RNASEH2B: variants seen among roughly 807,000 people sequenced by gnomAD.
The protein encoded by RNASEH2B is ribonuclease H2 subunit B.
A neutral mutation model predicts 45.0 loss-of-function variants in RNASEH2B; 36 were observed. The observed-to-expected ratio is 0.80, with a 90% CI of 0.61 to 1.06. The LOEUF is 1.06. RNASEH2B is among the 50% of genes least tolerant of loss of function. The probability of loss-of-function intolerance (pLI) is 0.00; values close to 1 mark genes in which losing one functional copy is unlikely to be tolerated. For missense variants in RNASEH2B, 361 were observed against 360.3 expected, an observed-to-expected ratio of 1.00 and a Z score of -0.02; for synonymous variants, 119 against 125.7, an observed-to-expected ratio of 0.95 and a Z score of 0.35.
intron 1 of RNASEH2B, among the ~76,000 whole-genome samples, chr13:50,923,138 A>G (rs1236289602): frequency 6.6e-6 from 1 of 152,206 alleles, no homozygotes; most frequent in African/African-American, 2.4e-5. Context: ...AGGAACATAA[A>G]GAAAAAGAAT....
intron 8 of RNASEH2B, chr13:50,948,339 C>A: frequency 2.8e-6 from 1 of 357,002 alleles, no homozygotes; most frequent in East Asian, 5.7e-5. Context: ...AAATTTTATC[C>A]TCAATTATAC....
At chr13:50,915,115 C>G (rs548234496) in intron 1 of RNASEH2B, among the ~76,000 whole-genome samples, 1 of 152,196 alleles carries the variant, frequency 6.6e-6, no homozygotes, top group African/African-American at 2.4e-5. Context: ...CTTTCTTACA[C>G]CTCAAGCTTT....
At chr13:50,970,174 C>T (rs192376633) in exon 10 of RNASEH2B, 32 of 626,132 alleles carry the variant, frequency 5.1e-5, no homozygotes, top group African/African-American at 4.1e-4. Flanking sequence ...CTCAGCTAGG[C>T]GGTTCCGTCC....
chr13:50,961,053 C>A (rs1316277075), downstream of RNASEH2B, among the ~76,000 whole-genome samples: 1 of 152,180 alleles, frequency 6.6e-6, no homozygotes, highest in Non-Finnish European at 1.5e-5. Flanking sequence ...ACTCTTAGGG[C>A]ACCTCCAGGA....
In RNASEH2B at chr13:50,930,874, T is replaced by G. The variant is rs1352306445; in HGVS notation, c.321+115T>G. The G allele has an allele frequency of 9.6e-6, 8 of 830,780 alleles. No individual in the cohort carries two copies. In the East Asian group the frequency reaches 2.0e-4, roughly 20 times the overall value. 51.5% of individuals were successfully genotyped at this position (830,780 alleles called of 1,614,324 possible). On this transcript the variant is annotated intron_variant, in intron 4 of 10. Transcript: ENST00000336617. ...GTGGATTCTACCTTCAGATCTATTA[T>G]AGTGACTAGAGAAAACATGAATCAT...
At chr13:50,927,213 A>G in intron 1 of RNASEH2B, 194 bp from the exon 2 acceptor site, 1 of 507,338 alleles carries the variant, frequency 2.0e-6, no homozygotes, top group Non-Finnish European at 3.6e-6. Flanking sequence ...CAATACATTT[A>G]AACTACCTGA....
chr13:50,924,234 T>G (rs946666502), intron 1 of RNASEH2B, among the ~76,000 whole-genome samples: 2 of 152,210 alleles, frequency 1.3e-5, no homozygotes, highest in African/African-American at 2.4e-5. Context: ...AGGCAGAGAT[T>G]GGCAGAATGG....
chr13:50,943,778 G>A (rs1487794389), intron 6 of RNASEH2B, among the ~76,000 whole-genome samples: 1 of 152,076 alleles, frequency 6.6e-6, no homozygotes, highest in Non-Finnish European at 1.5e-5. Flanking sequence ...AGGGACCCAG[G>A]GACACAGCCA....
chr13:50,917,888 G>T (rs973823553), intron 1 of RNASEH2B, among the ~76,000 whole-genome samples: 1 of 152,136 alleles, frequency 6.6e-6, no homozygotes, highest in Non-Finnish European at 1.5e-5. Context: ...CCCCAATCAG[G>T]TCTGTCTTTT....
At chr13:50,961,941 A>G (rs986922007) in intron 9 of RNASEH2B, among the ~76,000 whole-genome samples, 8 of 152,158 alleles carry the variant, frequency 5.3e-5, no homozygotes, top group African/African-American at 1.4e-4. Context: ...ATTTGTATCT[A>G]CTGAGATGAT....
chr13:50,910,621 T>C (rs1879319994), intron 1 of RNASEH2B: 1 of 153,422 alleles, frequency 6.5e-6, no homozygotes, highest in Non-Finnish European at 1.4e-5. Flanking sequence ...GGAAGCGGGA[T>C]GGGAGTCGCG....
At chr13:50,913,421 G>A (rs529820027) in intron 1 of RNASEH2B, among the ~76,000 whole-genome samples, 9 of 151,960 alleles carry the variant, frequency 5.9e-5, no homozygotes, top group Non-Finnish European at 1.2e-4. Flanking sequence ...TTGCTGTTGG[G>A]GGCTGAACAA....
chr13:50,966,749 T>C (rs1232573547), intron 9 of RNASEH2B, among the ~76,000 whole-genome samples: 1 of 152,172 alleles, frequency 6.6e-6, no homozygotes, highest in Admixed American at 6.5e-5. Context: ...ATTCCCAAAA[T>C]CATATTTCTC....
chr13:50,951,451 A>G (rs1261989906), intron 9 of RNASEH2B: 1 of 152,104 alleles, frequency 6.6e-6, no homozygotes, highest in Non-Finnish European at 1.5e-5. Context: ...TTACTATCAT[A>G]TGTCTGCCTT....
chr13:50,961,001 A>G (rs545000258), downstream of RNASEH2B, among the ~76,000 whole-genome samples: 49 of 152,158 alleles, frequency 3.2e-4, no homozygotes, highest in African/African-American at 1.2e-3. Context: ...TTGCTGGAAT[A>G]TTTCTTATTC....
chr13:50,957,329 A>G (rs1395720912), downstream of RNASEH2B, among the ~76,000 whole-genome samples: 1 of 152,148 alleles, frequency 6.6e-6, no homozygotes, highest in African/African-American at 2.4e-5. Flanking sequence ...GCTCTTACTT[A>G]TAAGTGAGAA....
rs374462552 is a variant in RNASEH2B, at chr13:50,934,708, T to A, written c.322-177T>A. The stretch of plus-strand genomic sequence containing the variant: ...GACTCCAGTGCTCACAGGAGCTTCC[T>A]GAAGGGAGCTGGGGTCCGTCCTAGA... On this transcript the variant is annotated intron_variant, in intron 4 of 10. Coordinates refer to ENST00000336617, the MANE Select transcript of RNASEH2B (RefSeq NM_024570.4). The A allele has an allele frequency of 1.6e-4, 98 of 625,794 alleles. 2 individuals carry two copies. The South Asian group carries it at 1.7e-3, about 11-fold the overall frequency. The allele number at this position is 625,794 out of a possible 1,614,324, so 38.8% of individuals were successfully genotyped here.
chr13:50,944,556 A>T (rs997284356), intron 6 of RNASEH2B, among the ~76,000 whole-genome samples: 1 of 152,218 alleles, frequency 6.6e-6, no homozygotes, highest in Admixed American at 6.5e-5. Flanking sequence ...CCACTGTGGT[A>T]CATGTATACC....
chr13:50,927,588 A>G (rs1951617610), intron 2 of RNASEH2B, 110 bp downstream of exon 2: 2 of 762,018 alleles, frequency 2.6e-6, no homozygotes, highest in East Asian at 5.1e-5. Context: ...TAAAGTTAAG[A>G]TGGCACCGTG....
Sources: gnomAD v4.1 joint callset for allele counts (sites outside exome capture counted in the v4.1 genomes callset) on GRCh38, gnomAD v4.1.1 for gene constraint, MANE v1.5 for transcripts, NCBI Gene and HGNC (gene_info 2026-07-23, HGNC 2026-07-21) for gene names.